Variants in BCL2 observed in about 807,000 individuals in gnomAD.
BCL2 encodes the protein BCL2 apoptosis regulator, also known as apoptosis regulator Bcl-2.
A neutral mutation model predicts 14.2 loss-of-function variants in BCL2; 1 was observed. The observed-to-expected ratio is 0.07, with a 90% confidence interval of 0.02 to 0.33. The LOEUF (loss-of-function observed/expected upper bound fraction) is 0.33. Ranked by LOEUF, BCL2 falls within the 10% of genes least tolerant of loss-of-function variation. The probability of loss-of-function intolerance (pLI) is 0.99; values close to 1 mark genes in which losing one functional copy is unlikely to be tolerated. For synonymous variants in BCL2, 151 were observed against 137.2 expected (o/e 1.10, Z -0.70); for missense variants, 247 against 305.9 (o/e 0.81, Z 1.44).
rs4987870 is a variant in BCL2, at chr18:63,123,453, TA to T, written c.*5171del. On this transcript the variant is annotated 3_prime_UTR_variant, in exon 3 of 3. Transcript: ENST00000333681. ...CAACAACACAAACAAAGTGCCATTATAGCTAATGGTGGCCAACTGGAGACTT... is the reference window on the plus strand; with the variant it reads ...CAACAACACAAACAAAGTGCCATTATGCTAATGGTGGCCAACTGGAGACTT... 6.5e-3 allele frequency: 1,317 copies of T among 202,010 alleles called. 34 individuals are homozygous for T. Among genetic ancestry groups the T allele is most frequent in the Non-Finnish European group, 5.9e-3 (581 of 98,080 alleles). 12.5% of individuals were successfully genotyped at this position (202,010 alleles called of 1,614,324 possible).
At chr18:63,241,840 C>T (rs1191475867) in intron 2 of BCL2, among the ~76,000 whole-genome samples, 1 of 152,208 alleles carries the variant, frequency 6.6e-6, no homozygotes, top group Non-Finnish European at 1.5e-5. Flanking sequence ...TCTTGTCTCG[C>T]TATCAGGTCA....
intron 2 of BCL2, among the ~76,000 whole-genome samples, chr18:63,299,924 T>C (rs1461896949): frequency 1.3e-5 from 2 of 151,568 alleles, no homozygotes; most frequent in African/African-American, 2.4e-5. Context: ...TGGACTGTAA[T>C]AGATCTGTTT....
chr18:63,260,633 C>T (rs1911629710), intron 2 of BCL2, among the ~76,000 whole-genome samples: 1 of 151,982 alleles, frequency 6.6e-6, no homozygotes, highest in South Asian at 2.1e-4. Context: ...AGGTTCGTTA[C>T]TAATGAGGCT....
At chr18:63,188,609 G>A (rs1427801915) in intron 2 of BCL2, among the ~76,000 whole-genome samples, 2 of 151,966 alleles carry the variant, frequency 1.3e-5, no homozygotes, top group African/African-American at 4.8e-5. Flanking sequence ...ATGTAAGAAA[G>A]CAAACTTTTG....
At chr18:63,167,298 T>C (rs1915068777) in intron 2 of BCL2, among the ~76,000 whole-genome samples, 1 of 152,200 alleles carries the variant, frequency 6.6e-6, no homozygotes, top group Non-Finnish European at 1.5e-5. Flanking sequence ...TCTTTTTCTC[T>C]TTCTCTCCAT....
intron 2 of BCL2, among the ~76,000 whole-genome samples, chr18:63,216,137 A>AT (rs968969351): frequency 7.3e-5 from 11 of 151,038 alleles, no homozygotes; most frequent in East Asian, 1.9e-4. Flanking sequence ...GTTATGAGTG[A>AT]TTTTTTTTTC....
intron 2 of BCL2, among the ~76,000 whole-genome samples, chr18:63,136,101 C>T (rs1450446625): frequency 6.6e-6 from 1 of 152,180 alleles, no homozygotes; most frequent in Non-Finnish European, 1.5e-5. Context: ...CACCTCCTCC[C>T]TGGCCTATTC....
rs140745448 is a variant in BCL2 at position 63,257,244 on chromosome 18, C to T, written c.585+60838G>A. On this transcript the variant is annotated intron_variant, in intron 2 of 2. Coordinates refer to ENST00000333681, the MANE Select transcript of BCL2 (RefSeq NM_000633.3). ...GTTGCTAAAAACTCACAGAGAGACC[C>T]ATGCGGCTACTGTGTCATGTGATCA... Among the ~76,000 whole-genome samples, 69 of 152,266 alleles carry T rather than the reference C, an allele frequency of 4.5e-4. 1 individual carries two copies. Among genetic ancestry groups the T allele is most frequent in the African/African-American group, 1.5e-3 (63 of 41,528 alleles).
At chr18:63,177,047 G>T (rs1371907836) in intron 2 of BCL2, among the ~76,000 whole-genome samples, 1 of 151,702 alleles carries the variant, frequency 6.6e-6, no homozygotes, top group Non-Finnish European at 1.5e-5. Context: ...CTCCCGAGTA[G>T]CTGGGACCAC....
chr18:63,151,478 G>A (rs148195441), intron 2 of BCL2, among the ~76,000 whole-genome samples: 3 of 124,314 alleles, frequency 2.4e-5, no homozygotes, highest in East Asian at 2.8e-4. Flanking sequence ...CAAGGGGGGC[G>A]ATAATAGATG....
chr18:63,296,950 C>T (rs1445929298), intron 2 of BCL2, among the ~76,000 whole-genome samples: 2 of 152,210 alleles, frequency 1.3e-5, no homozygotes, highest in African/African-American at 4.8e-5. Context: ...CGGTGGCTCA[C>T]GCCTGTAATC....
intron 2 of BCL2, among the ~76,000 whole-genome samples, chr18:63,295,451 T>C (rs1362321204): frequency 6.6e-6 from 1 of 152,166 alleles, no homozygotes. Flanking sequence ...AAAACCTTTA[T>C]ACCATCATTG....
intron 2 of BCL2, among the ~76,000 whole-genome samples, chr18:63,218,367 C>T (rs1910265658): frequency 6.6e-6 from 1 of 152,086 alleles, no homozygotes; most frequent in South Asian, 2.1e-4. Context: ...AATGTCTCTC[C>T]CTACTGGGGC....
At chr18:63,172,130 C>T (rs890549320) in intron 2 of BCL2, among the ~76,000 whole-genome samples, 5 of 152,174 alleles carry the variant, frequency 3.3e-5, no homozygotes, top group African/African-American at 1.2e-4. Context: ...TGATTCAGAG[C>T]ATGTTGAGCT....
chr18:63,227,645 CAAGT>C (rs1321949500), intron 2 of BCL2, among the ~76,000 whole-genome samples: 1 of 152,134 alleles, frequency 6.6e-6, no homozygotes, highest in Non-Finnish European at 1.5e-5. Flanking sequence ...GAAGAAAAAA[CAAGT>C]AAAGAAGTAG....
Position 63,319,174 on chromosome 18 carries a change from T to C in BCL2, c.-287A>G. The C allele has an allele frequency of 1.7e-6, 1 of 600,770 alleles. No individual in the cohort carries two copies. The allele number at this position is 600,770 out of a possible 1,614,324, so 37.2% of individuals were successfully genotyped here. ...CCAATTTCCTGTGCAGAGAACTTAC[T>C]TGTATTTTTTAAGTACAGCATGATC... On this transcript the variant is annotated splice_region_variant and 5_prime_UTR_variant, in exon 1 of 3. Coordinates refer to ENST00000333681, the MANE Select transcript of BCL2 (RefSeq NM_000633.3).
chr18:63,165,266 C>T (rs1169480939), intron 2 of BCL2, among the ~76,000 whole-genome samples: 1 of 152,180 alleles, frequency 6.6e-6, no homozygotes, highest in Non-Finnish European at 1.5e-5. Flanking sequence ...GAGCTCAGGG[C>T]TGACAACCAT....
chr18:63,167,103 G>A (rs1915064477), intron 2 of BCL2, among the ~76,000 whole-genome samples: 1 of 152,176 alleles, frequency 6.6e-6, no homozygotes, highest in African/African-American at 2.4e-5. Context: ...TTTTGAATGG[G>A]TTTTAAGAGG....
chr18:63,231,624 A>C (rs187404789), intron 2 of BCL2, among the ~76,000 whole-genome samples: 3 of 152,208 alleles, frequency 2.0e-5, no homozygotes, highest in East Asian at 1.9e-4. Flanking sequence ...GTACCTAGGA[A>C]TAAATCTAAA....
Sources: gnomAD v4.1 joint callset for allele counts (sites outside exome capture counted in the v4.1 genomes callset) on GRCh38, gnomAD v4.1.1 for gene constraint, MANE v1.5 for transcripts, NCBI Gene and HGNC (gene_info 2026-07-23, HGNC 2026-07-21) for gene names.